DENND4C: variants seen among roughly 807,000 people sequenced by gnomAD.
DENND4C encodes DENN domain-containing protein 4C.
In DENND4C, 108 loss-of-function variants were observed where a neutral mutation model predicts 203.0. The observed-to-expected ratio is 0.53, with a 90% CI of 0.46 to 0.62. The LOEUF is 0.62. Ranked by LOEUF, DENND4C falls within the 20% of genes least tolerant of loss-of-function variation. The pLI is 0.00. For missense variants in DENND4C, 2,481 were observed against 2,301.2 expected, an observed-to-expected ratio of 1.08 and a Z score of -1.60; for synonymous variants, 871 against 792.4, an observed-to-expected ratio of 1.10 and a Z score of -1.67.
rs932891444 is a variant in DENND4C, at chr9:19,320,715, A to G, written c.1808-3647A>G. Among the ~76,000 whole-genome samples the G allele has an allele frequency of 2.6e-5, 4 of 152,210 alleles. No homozygotes were observed. In the South Asian group the frequency reaches 8.3e-4, roughly 32 times the overall value. ...TATTGCATCATCTTATGAGGCACATACATGTCTGGCTGTCCTACTTTTAGT... is the reference window on the plus strand; with the variant it reads ...TATTGCATCATCTTATGAGGCACATGCATGTCTGGCTGTCCTACTTTTAGT... On this transcript the variant is annotated intron_variant, in intron 12 of 32. Coordinates refer to ENST00000434457, the MANE Select transcript of DENND4C (RefSeq NM_001330640.2).
intron 1 of DENND4C, among the ~76,000 whole-genome samples, chr9:19,261,816 TTG>T (rs1471657994): frequency 6.6e-6 from 1 of 152,020 alleles, no homozygotes; most frequent in Non-Finnish European, 1.5e-5. Context: ...TTTCCGTTTT[TTG>T]TGTGTGTGTT....
In DENND4C at chr9:19,305,403, T is replaced by G. The variant is rs763762009; in HGVS notation, c.1363T>G (p.Ser455Ala). ...CCCATATATTCCCCTTTGTCCTCTT[T>G]CACTGGCTGCAGTGCTTAGTGCACC... ...QCPYIPLCPL[S>A]LAAVLSAPLP... Residue 455 changes from serine to alanine, a missense_variant, in exon 10 of 33, where the codon TCA (serine) becomes GCA (alanine). This residue lies in a region of DENND4C where 2,289 missense variants were observed against 2,113.3 expected (regional missense o/e 1.08). Transcript: ENST00000434457. The G allele has an allele frequency of 3.7e-6, 6 of 1,613,980 alleles. No individual in the cohort carries two copies. Among genetic ancestry groups the G allele is most frequent in the South Asian group, 2.2e-5 (2 of 91,058 alleles).
intron 10 of DENND4C, among the ~76,000 whole-genome samples, chr9:19,308,399 T>C (rs756846702): frequency 6.6e-6 from 1 of 152,250 alleles, no homozygotes; most frequent in Non-Finnish European, 1.5e-5. Flanking sequence ...GTGGCTTTAA[T>C]TCACATTTCC....
chr9:19,277,249 G>C (rs908630348), intron 2 of DENND4C, among the ~76,000 whole-genome samples: 1 of 152,084 alleles, frequency 6.6e-6, no homozygotes, highest in East Asian at 1.9e-4. Flanking sequence ...AATTTTGATA[G>C]AGATTACATT....
chr9:19,348,743 GAAATA>G (rs1563829931), intron 23 of DENND4C, among the ~76,000 whole-genome samples: 8 of 151,508 alleles, frequency 5.3e-5, no homozygotes. Context: ...AAGGGAAGGC[GAAATA>G]AAATAGCTTC....
intron 1 of DENND4C, among the ~76,000 whole-genome samples, chr9:19,238,598 C>G: frequency 1.2e-3 from 1 of 844 alleles, no homozygotes; most frequent in Non-Finnish European, 4.7e-3. Context: ...CCCCTCCTCC[C>G]CTCCCCTCCC....
At position 19,235,580 on chromosome 9, in the gene DENND4C, T is replaced by C. The variant is rs139756169; in HGVS notation, c.-18+4747T>C. 9.9e-3 allele frequency among the ~76,000 whole-genome samples: 1,505 copies of C among 151,558 alleles called. 31 individuals are homozygous for C. Among genetic ancestry groups the C allele is most frequent in the African/African-American group, 0.035 (1,448 of 41,414 alleles). On this transcript the variant is annotated intron_variant, in intron 1 of 32. Transcript: ENST00000434457. ...ACCTAATTATCTACCAATCCAGATT[T>C]ATTATCTGTTGGTTTACAGAAGAGT...
chr9:19,336,749 C>T lies in DENND4C; in HGVS notation c.2798C>T (p.Ser933Phe), dbSNP rs117605726. 2.7e-3 allele frequency: 4,141 copies of T among 1,550,982 alleles called. 7 individuals are homozygous for T. Among genetic ancestry groups the T allele is most frequent in the Non-Finnish European group, 3.4e-3 (3,886 of 1,147,058 alleles). Residue 933 changes from serine (S) to phenylalanine (F), a missense_variant, in exon 20 of 33, where the codon TCT (serine) becomes TTT (phenylalanine). This residue lies in a region of DENND4C where 2,289 missense variants were observed against 2,113.3 expected (regional missense o/e 1.08). Coordinates refer to ENST00000434457, the MANE Select transcript of DENND4C (RefSeq NM_001330640.2). ...DTVSHGSVDSSNDANNGEHTV... is the reference protein window; with the variant it reads ...DTVSHGSVDSFNDANNGEHTV... ...GTGAGCCACGGTAGTGTGGATAGTT[C>T]TAATGATGCTAACAATGGGGAGCAC...
chr9:19,350,911 C>A, intron 24 of DENND4C, 32 bp downstream of exon 24: 2 of 1,546,566 alleles, frequency 1.3e-6, no homozygotes, highest in Non-Finnish European at 1.7e-6. Context: ...TCTTCATTTG[C>A]TTTATAATAG....
intron 17 of DENND4C, among the ~76,000 whole-genome samples, chr9:19,332,495 C>T (rs899682212): frequency 1.3e-5 from 2 of 150,288 alleles, no homozygotes; most frequent in Admixed American, 6.7e-5. Flanking sequence ...GAATTACAGG[C>T]ACATGTTACC....
chr9:19,263,371 T>A (rs1829811539), intron 1 of DENND4C, among the ~76,000 whole-genome samples: 1 of 152,188 alleles, frequency 6.6e-6, no homozygotes, highest in Admixed American at 6.5e-5. Context: ...TATTTGTTTT[T>A]TTGAGACAGA....
At chr9:19,298,191 C>T in intron 7 of DENND4C, 69 bp downstream of exon 7, 1 of 1,408,190 alleles carries the variant, frequency 7.1e-7, no homozygotes, top group Non-Finnish European at 9.9e-7. Context: ...AGAGTGGATT[C>T]TGTATACCTT....
In DENND4C at chr9:19,358,587, A is replaced by C. The variant is rs1271789332; in HGVS notation, c.5160+427A>C. Among the ~76,000 whole-genome samples the C allele has an allele frequency of 1.3e-5, 2 of 151,802 alleles. No individual in the cohort carries two copies. The highest frequency in any genetic ancestry group is 2.9e-5 in the Non-Finnish European group (2 of 68,012). On this transcript the variant is annotated intron_variant, in intron 28 of 32. Transcript: ENST00000434457. This position sits in a 1 kb window ranked among gnomAD's most constrained non-coding sequence, Gnocchi z 4.8. ...GTATCAAGTTATTTAGTCTGTTCAA[A>C]TTTCTGATTGTCTCAAAAATGTCAA...
At chr9:19,322,105 A>G (rs1842979692) in intron 12 of DENND4C, among the ~76,000 whole-genome samples, 1 of 152,190 alleles carries the variant, frequency 6.6e-6, no homozygotes, top group South Asian at 2.1e-4. Flanking sequence ...CACAAAAAAC[A>G]TGAAGGGAGA....
At chr9:19,231,817 G>A (rs1418415674) in intron 1 of DENND4C, among the ~76,000 whole-genome samples, 2 of 151,418 alleles carry the variant, frequency 1.3e-5, no homozygotes, top group Admixed American at 6.6e-5. Context: ...GACCCACTGA[G>A]CCTGCTTAAT....
At chr9:19,361,437 G>A (rs1310489637) in intron 29 of DENND4C, among the ~76,000 whole-genome samples, 1 of 152,076 alleles carries the variant, frequency 6.6e-6, no homozygotes, top group Non-Finnish European at 1.5e-5. Flanking sequence ...GATTAATATT[G>A]ATAGACACTC....
chr9:19,245,944 T>G (rs144119093), intron 1 of DENND4C, among the ~76,000 whole-genome samples: 1 of 111,748 alleles, frequency 8.9e-6, no homozygotes, highest in Non-Finnish European at 1.8e-5. Flanking sequence ...TATTTTGATA[T>G]TTCTTGGAAT....
chr9:19,364,774 A>G (rs1827268918), intron 30 of DENND4C, among the ~76,000 whole-genome samples: 1 of 152,216 alleles, frequency 6.6e-6, no homozygotes, highest in East Asian at 1.9e-4. Context: ...GGGCACTTGT[A>G]ATCCCAGCTA....
At chr9:19,264,082 A>C (rs1172791480) in intron 1 of DENND4C, among the ~76,000 whole-genome samples, 3 of 152,144 alleles carry the variant, frequency 2.0e-5, no homozygotes, top group African/African-American at 4.8e-5. Context: ...GAATGGTATT[A>C]GTTCTTTAAA....
Sources: gnomAD v4.1 joint callset for allele counts (sites outside exome capture counted in the v4.1 genomes callset) on GRCh38, gnomAD v4.1.1 for gene constraint, gnomAD v4.1.1 regional missense constraint, Gnocchi (gnomAD v3.1) non-coding constraint, MANE v1.5 for transcripts, NCBI Gene and HGNC (gene_info 2026-07-23, HGNC 2026-07-21) for gene names.